The following PREX1 variants were observed in gnomAD, a reference collection of about 807,000 sequenced individuals.
The protein encoded by PREX1 is phosphatidylinositol-3,4,5-trisphosphate dependent Rac exchange factor 1.
A neutral mutation model predicts 198.3 loss-of-function variants in PREX1; 41 were observed. The observed-to-expected ratio is 0.21, with a 90% confidence interval of 0.16 to 0.27. PREX1 has a LOEUF of 0.27. PREX1 is among the 10% of genes least tolerant of loss of function. PREX1 has a pLI of 1.00. For missense variants in PREX1, 1,620 were observed against 2,200.7 expected (o/e 0.74, Z 5.28); for synonymous variants, 843 against 887.2 (o/e 0.95, Z 0.89).
chr20:48,667,790 T>G (rs1364291473), intron 14 of PREX1, among the ~76,000 whole-genome samples: 7 of 152,178 alleles, frequency 4.6e-5, no homozygotes, highest in South Asian at 4.1e-4. Flanking sequence ...CCAGGTGGGA[T>G]GTCATCTTGG....
At chr20:48,652,557 C>T (rs767352241) in intron 21 of PREX1, 29 bp downstream of exon 21, 5 of 1,583,510 alleles carry the variant, frequency 3.2e-6, no homozygotes, top group Non-Finnish European at 4.3e-6. Context: ...CCTCTGGAAG[C>T]TCCTGTCATG....
At chr20:48,706,373 T>G (rs1214818147) in intron 6 of PREX1, among the ~76,000 whole-genome samples, 1 of 152,198 alleles carries the variant, frequency 6.6e-6, no homozygotes, top group Non-Finnish European at 1.5e-5. Context: ...AGGTAACTTA[T>G]GTATGTTGCT....
At chr20:48,810,438 G>T (rs907721635) in intron 1 of PREX1, among the ~76,000 whole-genome samples, 3 of 151,736 alleles carry the variant, frequency 2.0e-5, no homozygotes, top group African/African-American at 7.3e-5. Context: ...TTTTTAATTA[G>T]CTGGGCATGG....
intron 1 of PREX1, among the ~76,000 whole-genome samples, chr20:48,797,685 C>T (rs2090369303): frequency 6.6e-6 from 1 of 152,208 alleles, no homozygotes; most frequent in Non-Finnish European, 1.5e-5. Flanking sequence ...TGTTCTCACC[C>T]AGAAAGCACA....
At chr20:48,774,984 T>C (rs565085368) in intron 1 of PREX1, among the ~76,000 whole-genome samples, 2 of 152,286 alleles carry the variant, frequency 1.3e-5, no homozygotes, top group East Asian at 3.9e-4. Flanking sequence ...GAGAAGCAGG[T>C]ACTAGCCAGT....
At chr20:48,834,648 C>T in the PREX1 span, among the ~76,000 whole-genome samples, 1 of 152,162 alleles carries the variant, frequency 6.6e-6, no homozygotes, top group Non-Finnish European at 1.5e-5. Context: ...CAGCCTCAAC[C>T]TTCCAGGCTC....
intron 1 of PREX1, among the ~76,000 whole-genome samples, chr20:48,786,700 A>T (rs890987620): frequency 6.6e-6 from 1 of 151,478 alleles, no homozygotes; most frequent in Non-Finnish European, 1.5e-5. Flanking sequence ...AGCCAAGATC[A>T]TGCCACTGCA....
chr20:48,760,836 G>A (rs969211397), intron 1 of PREX1, among the ~76,000 whole-genome samples: 4 of 152,078 alleles, frequency 2.6e-5, no homozygotes, highest in African/African-American at 4.8e-5. Flanking sequence ...TCTTACATTC[G>A]CCTGTGTAGT....
intron 1 of PREX1, among the ~76,000 whole-genome samples, chr20:48,754,257 T>C (rs1406790410): frequency 6.6e-6 from 1 of 152,216 alleles, no homozygotes; most frequent in Non-Finnish European, 1.5e-5. Flanking sequence ...GGCATTGTTA[T>C]TACTATGTCC....
intron 7 of PREX1, among the ~76,000 whole-genome samples, chr20:48,699,806 C>T (rs749637160): frequency 8.5e-5 from 13 of 152,228 alleles, no homozygotes; most frequent in Admixed American, 4.6e-4. Context: ...TGCCAGTCTT[C>T]ATATCCATTT....
rs367916848 is a variant in PREX1, at chr20:48,807,251, T to A, written c.219+20391A>T. On this transcript the variant is annotated intron_variant, in intron 1 of 39. Transcript: ENST00000371941. ...TACCAAGGCTAACATCTGGTGCACA[T>A]CCTGCAGTATCTTTCTCCACACTCA... is the stretch of plus-strand genomic sequence containing the variant. Among the ~76,000 whole-genome samples the A allele has an allele frequency of 7.8e-4, 119 of 152,330 alleles. No individual in the cohort carries two copies. The South Asian group carries it at 0.021, about 27-fold the overall frequency.
intron 26 of PREX1, among the ~76,000 whole-genome samples, chr20:48,645,451 A>T (rs2089443965): frequency 3.9e-5 from 6 of 152,182 alleles, no homozygotes; most frequent in Admixed American, 1.3e-4. Flanking sequence ...TCAGGTTAGG[A>T]GGGGAAAAAA....
chr20:48,782,920 T>G (rs2090296304), intron 1 of PREX1, among the ~76,000 whole-genome samples: 1 of 152,064 alleles, frequency 6.6e-6, no homozygotes, highest in Non-Finnish European at 1.5e-5. Flanking sequence ...CTGGTTGCTG[T>G]GGACAAAAAG....
chr20:48,655,382 C>T lies in PREX1; in HGVS notation c.2124-7G>A. 1 of 1,540,110 alleles carries T rather than the reference C, an allele frequency of 6.5e-7. No individual in the cohort carries two copies. The highest frequency in any genetic ancestry group is 8.8e-7 in the Non-Finnish European group (1 of 1,136,992). Reference sequence around the variant, plus strand: ...GTCGGGGATTTTGATGATCCTGCACCAGGTAGAAGAGGCAGGGAAAAAGGC... The same window carrying T: ...GTCGGGGATTTTGATGATCCTGCACTAGGTAGAAGAGGCAGGGAAAAAGGC... On this transcript the variant is annotated splice_polypyrimidine_tract_variant and splice_region_variant and intron_variant, in intron 18 of 39. Transcript: ENST00000371941.
intron 26 of PREX1, among the ~76,000 whole-genome samples, chr20:48,645,318 G>A (rs1468791993): frequency 6.6e-6 from 1 of 152,206 alleles, no homozygotes; most frequent in Non-Finnish European, 1.5e-5. Context: ...TTTATCTGCA[G>A]TAAGGAATTA....
the PREX1 span, among the ~76,000 whole-genome samples, chr20:48,851,145 G>C: frequency 6.6e-6 from 1 of 152,192 alleles, no homozygotes; most frequent in African/African-American, 2.4e-5. Flanking sequence ...CAGACCATGG[G>C]TCCTGCAAAG....
chr20:48,858,291 G>A, the PREX1 span, among the ~76,000 whole-genome samples: 2 of 152,160 alleles, frequency 1.3e-5, no homozygotes, highest in East Asian at 1.9e-4. Flanking sequence ...TGTCTCGTCC[G>A]CCTTGGGCTG....
At chr20:48,686,194 G>C (rs2089783574) in intron 10 of PREX1, among the ~76,000 whole-genome samples, 1 of 152,128 alleles carries the variant, frequency 6.6e-6, no homozygotes, top group Admixed American at 6.5e-5. Flanking sequence ...ATGCAGCAAA[G>C]GGCTTGATCA....
intron 1 of PREX1, among the ~76,000 whole-genome samples, chr20:48,773,497 C>T (rs2090246726): frequency 6.6e-6 from 1 of 152,116 alleles, no homozygotes; most frequent in African/African-American, 2.4e-5. Context: ...TCTGGGACCT[C>T]ATTCATTCAT....
Sources: allele counts gnomAD v4.1 joint callset (sites outside exome capture counted in the v4.1 genomes callset), GRCh38; gene constraint gnomAD v4.1.1; transcripts MANE v1.5; gene names NCBI Gene and HGNC (gene_info 2026-07-23, HGNC 2026-07-21).